HIP1R: variants seen among roughly 807,000 people sequenced by gnomAD.
HIP1R encodes huntingtin-interacting protein 1-related protein.
A neutral mutation model predicts 144.2 loss-of-function variants in HIP1R; 135 were observed. The observed-to-expected ratio is 0.94, with a 90% CI of 0.81 to 1.08. HIP1R has a LOEUF of 1.08. Ranked by LOEUF, HIP1R falls within the 50% of genes least tolerant of loss-of-function variation. HIP1R has a pLI of 0.00. For synonymous variants in HIP1R, 698 were observed against 612.8 expected, an observed-to-expected ratio of 1.14 and a Z score of -2.05; for missense variants, 1,462 against 1,432.8, an observed-to-expected ratio of 1.02 and a Z score of -0.33.
At chr12:122,851,178 G>A in intron 6 of HIP1R, 58 bp from the exon 7 acceptor site, 1 of 1,425,510 alleles carries the variant, frequency 7.0e-7, no homozygotes, top group Non-Finnish European at 9.3e-7. Context: ...GGCGTCTCAG[G>A]ACGAGTGGGT....
chr12:122,859,826 G>A lies in HIP1R; in HGVS notation c.2461G>A (p.Glu821Lys), dbSNP rs777422895. 3.7e-6 allele frequency: 6 copies of A among 1,612,404 alleles called. No individual in the cohort carries two copies. The highest frequency in any genetic ancestry group is 1.1e-5 in the South Asian group (1 of 90,968). The change falls in exon 24 of 32, where the codon GAG becomes AAG. Residue 821 changes from glutamate (E) to lysine (K), a missense_variant. This residue lies in a region of HIP1R where 1,112 missense variants were observed against 1,011.7 expected (regional missense o/e 1.10). Transcript: ENST00000253083. ...ASSGVKLEVN[E>K]RILNSCTDLM... ...CTCGGGGGTGAAGCTGGAGGTGAAC[G>A]AGAGGTGAGCCCCCCTTCTGTCCCC...
intron 1 of HIP1R, among the ~76,000 whole-genome samples, chr12:122,842,885 C>G (rs1445840206): frequency 4.6e-5 from 7 of 152,232 alleles, no homozygotes; most frequent in Non-Finnish European, 1.0e-4. Context: ...TCAGCGGGCT[C>G]TGTCTGGCCT....
intron 12 of HIP1R, 49 bp downstream of exon 12, chr12:122,855,661 C>T (rs1256122598): frequency 1.9e-6 from 3 of 1,541,988 alleles, no homozygotes; most frequent in African/African-American, 1.4e-5. Flanking sequence ...GAAACGGGCT[C>T]AGCTGAGCTG....
intron 24 of HIP1R, 55 bp from the exon 25 acceptor site, chr12:122,859,992 C>T (rs978664827): frequency 3.3e-6 from 5 of 1,519,658 alleles, no homozygotes; most frequent in Admixed American, 2.1e-5. Flanking sequence ...CCCGCCATGG[C>T]GTCGTGTGGG....
chr12:122,847,105 A>G (rs1009106854), intron 1 of HIP1R, among the ~76,000 whole-genome samples: 3 of 152,258 alleles, frequency 2.0e-5, no homozygotes, highest in Middle Eastern at 3.4e-3. Context: ...CCTCCCGCCC[A>G]TGGCCTGGAC....
rs939547527 is a variant in HIP1R at position 122,862,911 on chromosome 12, C to T, written c.*1158C>T. 2 of 152,210 alleles carry T rather than the reference C, an allele frequency of 1.3e-5. No homozygotes were observed. Among genetic ancestry groups the T allele is most frequent in the Non-Finnish European group, 2.9e-5 (2 of 68,042 alleles). The allele number at this position is 152,210 out of a possible 1,614,324, so 9.4% of individuals were successfully genotyped here. On this transcript the variant is annotated 3_prime_UTR_variant, in exon 32 of 32. Transcript: ENST00000253083. ...CGCCTTGGCTTTGTGTTAGCATTTC[C>T]TCCTGAAGTGTTCTGTTGGCAATAA...
chr12:122,862,687 T>A lies in HIP1R; in HGVS notation c.*934T>A, dbSNP rs2033805873. 1 of 151,786 alleles carries A rather than the reference T, an allele frequency of 6.6e-6. No individual in the cohort carries two copies. Among genetic ancestry groups the A allele is most frequent in the Non-Finnish European group, 1.5e-5 (1 of 67,930 alleles). 9.4% of individuals were successfully genotyped at this position (151,786 alleles called of 1,614,324 possible). A position where few individuals can be genotyped will look rare whatever the true frequency, so the allele number is the denominator to read the frequency against. On this transcript the variant is annotated 3_prime_UTR_variant, in exon 32 of 32. Transcript: ENST00000253083. ...CTAGGCCCTGGCTTTGCCCGTCAGA[T>A]TTGAACGAATGTGTGTCCCTTGAGC...
chr12:122,861,440 G>GC lies in HIP1R; in HGVS notation c.3091dup (p.Arg1031ProfsTer25), dbSNP rs752460964. On this transcript the variant is annotated frameshift_variant, in exon 31 of 32. Transcript: ENST00000253083. LOFTEE classifies it high-confidence loss of function. ...GGAGGTGGCCATCCGGCCCAGCACT[G>GC]CCCCCCGAAGTGTAACCACCAAGAA... The GC allele has an allele frequency of 2.0e-5, 32 of 1,613,442 alleles. No individual in the cohort carries two copies. In the South Asian group the frequency reaches 2.4e-4, roughly 12 times the overall value.
chr12:122,835,088 CCCCCTT>C, upstream of HIP1R: 1 of 1,022,312 alleles, frequency 9.8e-7, no homozygotes, highest in Non-Finnish European at 1.3e-6. Flanking sequence ...GGTTCCCCCT[CCCCCTT>C]CCCCTACCCT....
rs1300011040 is a variant in HIP1R, at chr12:122,860,433, C to T, written c.2570C>T (p.Thr857Met). 2.5e-6 allele frequency: 4 copies of T among 1,613,290 alleles called. No homozygotes were observed. Among genetic ancestry groups the T allele is most frequent in the East Asian group, 2.2e-5 (1 of 44,886 alleles). ...TCCCGTCGCCACTAGGGGGCAGCCA[C>T]GCAGCAGGAATTTTACGCCAAGAAC... Reference protein sequence around the residue: ...EIVESGRGAATQQEFYAKNSR... With the variant: ...EIVESGRGAAMQQEFYAKNSR... Residue 857 changes from threonine (T) to methionine (M), a missense_variant, in exon 27 of 32, where the codon ACG (threonine) becomes ATG (methionine). Transcript: ENST00000253083.
intron 1 of HIP1R, among the ~76,000 whole-genome samples, chr12:122,839,052 T>C (rs764049157): frequency 2.6e-5 from 4 of 152,224 alleles, no homozygotes; most frequent in Non-Finnish European, 5.9e-5. Flanking sequence ...ACATCCAGTA[T>C]GTAAACATGA....
chr12:122,841,119 C>T (rs963933842), intron 1 of HIP1R, among the ~76,000 whole-genome samples: 19 of 152,200 alleles, frequency 1.2e-4, no homozygotes, highest in African/African-American at 4.6e-4. Flanking sequence ...TTGGCAATGC[C>T]CTTACCCGCC....
At position 122,850,913 on chromosome 12, in the gene HIP1R, T is replaced by A. The variant is rs761931150; in HGVS notation, c.515+2T>A. 1 of 1,609,506 alleles carries A rather than the reference T, an allele frequency of 6.2e-7. No homozygotes were observed. The highest frequency in any genetic ancestry group is 8.5e-7 in the Non-Finnish European group (1 of 1,177,946). Reference sequence around the variant, plus strand: ...AGCTGGGACCGATGTCAACAACATGTGAGTCACTCTGCATGGCTACATAGC... The same window carrying A: ...AGCTGGGACCGATGTCAACAACATGAGAGTCACTCTGCATGGCTACATAGC... On this transcript the variant is annotated splice_donor_variant, in intron 6 of 31. Transcript: ENST00000253083. LOFTEE classifies it high-confidence loss of function.
chr12:122,839,744 C>G (rs933137707), intron 1 of HIP1R, among the ~76,000 whole-genome samples: 1 of 152,210 alleles, frequency 6.6e-6, no homozygotes, highest in South Asian at 2.1e-4. Flanking sequence ...TATCCAAAAG[C>G]TAGCCCTTTC....
chr12:122,857,577 T>C (rs745392012), intron 18 of HIP1R: 16 of 423,586 alleles, frequency 3.8e-5, no homozygotes, highest in East Asian at 1.5e-4. Context: ...CCATCACTTA[T>C]CTTGGATAGA....
At chr12:122,859,393 A>G in intron 22 of HIP1R, 33 bp from the exon 23 acceptor site, 2 of 1,571,506 alleles carry the variant, frequency 1.3e-6, no homozygotes, top group Non-Finnish European at 1.8e-6. Flanking sequence ...GGGGGGACGG[A>G]GGCTACCCCT....
intron 4 of HIP1R, among the ~76,000 whole-genome samples, chr12:122,849,472 C>T (rs534863221): frequency 3.9e-5 from 6 of 152,250 alleles, no homozygotes; most frequent in East Asian, 1.9e-4. Context: ...TCCCTTGAAG[C>T]GAGGAAAACA....
chr12:122,854,283 T>G, intron 8 of HIP1R, 100 bp downstream of exon 8: 1 of 1,010,320 alleles, frequency 9.9e-7, no homozygotes, highest in Non-Finnish European at 1.4e-6. Context: ...GGTTTATTCA[T>G]TTAAAAATGG....
chr12:122,848,558 TG>T lies in HIP1R; in HGVS notation c.252del (p.Trp84Ter). 1.2e-6 allele frequency: 2 copies of T among 1,613,234 alleles called. No individual in the cohort carries two copies. The highest frequency in any genetic ancestry group is 1.7e-6 in the Non-Finnish European group (2 of 1,179,988). On this transcript the variant is annotated frameshift_variant, in exon 3 of 32. Coordinates refer to ENST00000253083, the MANE Select transcript of HIP1R (RefSeq NM_003959.3). LOFTEE classifies it high-confidence loss of function. Reference sequence around the variant, plus strand: ...GCTGCCCAGCAGCTCCATTCTCAGCTGGAAGTTCTGCCACGTCCTCCACAAG... The same window carrying T: ...GCTGCCCAGCAGCTCCATTCTCAGCTGAAGTTCTGCCACGTCCTCCACAAG... ...LPLPSSSILS[W>X]KFCHVLHKVL...
Sources: allele counts gnomAD v4.1 joint callset (sites outside exome capture counted in the v4.1 genomes callset), GRCh38; gene constraint gnomAD v4.1.1; regional missense constraint gnomAD v4.1.1; transcripts MANE v1.5; gene names NCBI Gene and HGNC (gene_info 2026-07-23, HGNC 2026-07-21).